The following FLT4 variants were observed in gnomAD, a reference collection of about 807,000 sequenced individuals.
FLT4 encodes fms related receptor tyrosine kinase 4.
FLT4 carries 30 observed loss-of-function variants against 163.2 expected under a neutral mutation model. The observed-to-expected ratio is 0.18, with a 90% confidence interval of 0.14 to 0.25. The LOEUF is 0.25. Among genes scored for constraint, FLT4 ranks in the 10% least tolerant of loss-of-function variants. FLT4 has a pLI of 1.00. For missense variants in FLT4, 1,510 were observed against 1,863.8 expected (o/e 0.81, Z 3.50); for synonymous variants, 884 against 789.5 (o/e 1.12, Z -2.01).
chr5:180,614,179 C>A lies in FLT4; in HGVS notation c.3220G>T (p.Ala1074Ser), dbSNP rs2127797529. 7.3e-7 allele frequency: 1 copy of A among 1,367,798 alleles called. No homozygotes were observed. The highest frequency in any genetic ancestry group is 2.0e-4 in the Middle Eastern group (1 of 5,004). 84.7% of individuals were successfully genotyped at this position (1,367,798 alleles called of 1,614,324 possible). The change falls in exon 24 of 30, where the codon GCC becomes TCC. Residue 1074 changes from alanine to serine, a missense_variant and splice_region_variant. By Grantham distance (99) the Ala-to-Ser change is moderately conservative. Transcript: ENST00000261937. ...GCCATCCACTTCAGGGGCAGCCGGG[C>A]CTGGGGAGACAGAGGGAAGCTTGTC... ...KDPDYVRKGS[A>S]RLPLKWMAPE...
At position 180,601,612 on chromosome 5, in the gene FLT4, C is replaced by T. The variant is rs1239472774; in HGVS notation, c.*1580G>A. 5 of 232,992 alleles carry T rather than the reference C, an allele frequency of 2.1e-5. No homozygotes were observed. The highest frequency in any genetic ancestry group is 1.2e-4 in the East Asian group (2 of 16,592). 14.4% of individuals were successfully genotyped at this position (232,992 alleles called of 1,614,324 possible). The stretch of plus-strand genomic sequence containing the variant: ...TAGAAGGGCATAGTAGTTTTTTTCC[C>T]GGTACATGCGTGGGTGGGTAGTGAG... On this transcript the variant is annotated 3_prime_UTR_variant, in exon 30 of 30. Transcript: ENST00000261937.
At chr5:180,606,611 T>C (rs1581603001) in intron 29 of FLT4, among the ~76,000 whole-genome samples, 2 of 152,304 alleles carry the variant, frequency 1.3e-5, no homozygotes, top group South Asian at 4.1e-4. Context: ...TGTGTAGAGG[T>C]TTGAATTTAC....
rs1284746144 is a variant in FLT4, at chr5:180,630,528, C to T, written c.400+27G>A. ...GGCCCCAGCTGCCCGGGACCCTGCTCCAGCCTGGCCCGCCTCCAAGTCTCA... is the reference window on the plus strand; with the variant it reads ...GGCCCCAGCTGCCCGGGACCCTGCTTCAGCCTGGCCCGCCTCCAAGTCTCA... On this transcript the variant is annotated intron_variant, in intron 3 of 29. Coordinates refer to ENST00000261937, the MANE Select transcript of FLT4 (RefSeq NM_182925.5). The surrounding 1 kb of genome is among the most constrained non-coding windows in gnomAD (Gnocchi z 6.3). 3 of 1,611,794 alleles carry T rather than the reference C, an allele frequency of 1.9e-6. No homozygotes were observed. In the African/African-American group the frequency reaches 4.0e-5, roughly 22 times the overall value.
At chr5:180,622,597 T>C in intron 12 of FLT4, 134 bp downstream of exon 12, 1 of 695,744 alleles carries the variant, frequency 1.4e-6, no homozygotes, top group South Asian at 1.5e-5. Context: ...CTTAAATCTA[T>C]TTTTCCTGTC....
chr5:180,605,711 T>A (rs895392817), intron 29 of FLT4, among the ~76,000 whole-genome samples: 1 of 152,184 alleles, frequency 6.6e-6, no homozygotes, highest in African/African-American at 2.4e-5. Flanking sequence ...TCCCGTATCA[T>A]CCTGCCACCA....
rs764057384 is a variant in FLT4, at chr5:180,623,922, G to A, written c.1548+13C>T. 57 of 1,613,272 alleles carry A rather than the reference G, an allele frequency of 3.5e-5. No individual in the cohort carries two copies. Among genetic ancestry groups the A allele is most frequent in the South Asian group, 2.7e-4 (25 of 91,076 alleles). ...CTTCTCCCTGGGCACTCAGCAGCGC[G>A]GCTGGCCTGTACCTTATTCTTTCCC... is the stretch of plus-strand genomic sequence containing the variant. On this transcript the variant is annotated intron_variant, in intron 11 of 29. Coordinates refer to ENST00000261937, the MANE Select transcript of FLT4 (RefSeq NM_182925.5). The surrounding 1 kb of genome is among the most constrained non-coding windows in gnomAD (Gnocchi z 5.8).
chr5:180,607,234 T>C (rs1254885099), intron 29 of FLT4, among the ~76,000 whole-genome samples: 1 of 152,216 alleles, frequency 6.6e-6, no homozygotes, highest in African/African-American at 2.4e-5. Context: ...ACTTTCTATC[T>C]GGGATATGTG....
chr5:180,631,435 T>C (rs113818152), intron 2 of FLT4, among the ~76,000 whole-genome samples: 12 of 151,462 alleles, frequency 7.9e-5, no homozygotes, highest in African/African-American at 2.4e-4. Flanking sequence ...ATCGCACCAC[T>C]GCACTCCAGC....
At chr5:180,631,633 T>C (rs750404695) in intron 2 of FLT4, 49 bp downstream of exon 2, 24 of 1,458,588 alleles carry the variant, frequency 1.6e-5, no homozygotes, top group Non-Finnish European at 2.3e-5. Flanking sequence ...CCTCCTGCCT[T>C]GGGCTTGTGC....
chr5:180,621,852 C>G lies in FLT4; in HGVS notation c.1710G>C (p.Glu570Asp), dbSNP rs758989887. ...IESKPSEELLEGQPVLLSCQA... is the reference protein window; with the variant it reads ...IESKPSEELLDGQPVLLSCQA... ...GGCAGCTCAGGAGCACCGGCTGGCC[C>G]TCTAGTAGCTCCTCGGATGGCTTGG... The change falls in exon 13 of 30, where the codon GAG becomes GAC. Residue 570 changes from glutamate to aspartate, a missense_variant. Glu to Asp is a conservative substitution (Grantham distance 45). Transcript: ENST00000261937. 6.2e-7 allele frequency: 1 copy of G among 1,613,432 alleles called. No homozygotes were observed. Among genetic ancestry groups the G allele is most frequent in the Non-Finnish European group, 8.5e-7 (1 of 1,179,970 alleles).
rs1441078687 is a variant in FLT4, at chr5:180,612,626, G to A, written c.3432-15C>T. ...TGATGCGGCGTCTGCAGGATCACGT[G>A]GGCTGCTGGACTGCATGCACCCCAC... On this transcript the variant is annotated splice_polypyrimidine_tract_variant and intron_variant, in intron 25 of 29. Transcript: ENST00000261937. 6.3e-7 allele frequency: 1 copy of A among 1,597,122 alleles called. No homozygotes were observed. The highest frequency in any genetic ancestry group is 1.3e-5 in the African/African-American group (1 of 74,586).
rs2127810485 is a variant in FLT4, at chr5:180,620,152, G to A, written c.2542+21C>T. ...GGGTCGGGCAGGAGGTGTGGGTTGGGCAGGCTGGTGCTGGCCTCACCCAGG... is the reference window on the plus strand; with the variant it reads ...GGGTCGGGCAGGAGGTGTGGGTTGGACAGGCTGGTGCTGGCCTCACCCAGG... On this transcript the variant is annotated intron_variant, in intron 17 of 29. Coordinates refer to ENST00000261937, the MANE Select transcript of FLT4 (RefSeq NM_182925.5). This position sits in a 1 kb window ranked among gnomAD's most constrained non-coding sequence, Gnocchi z 4.4. The A allele has an allele frequency of 6.3e-7, 1 of 1,599,778 alleles. No homozygotes were observed. The highest frequency in any genetic ancestry group is 8.5e-7 in the Non-Finnish European group (1 of 1,176,586).
Position 180,621,096 on chromosome 5 carries a change from C to T in FLT4, c.2167+10G>A, listed in dbSNP as rs370293476. The T allele has an allele frequency of 1.2e-5, 19 of 1,612,670 alleles. No individual in the cohort carries two copies. The South Asian group carries it at 1.2e-4, about 10-fold the overall frequency. The stretch of plus-strand genomic sequence containing the variant: ...CCGGACCTGCCCTTCGCCAGGGCCA[C>T]CCTCCCTACCAGACTTTTCCTCCAG... On this transcript the variant is annotated intron_variant, in intron 14 of 29. Transcript: ENST00000261937.
intron 29 of FLT4, among the ~76,000 whole-genome samples, chr5:180,606,292 C>T (rs10058772): frequency 0.22 from 32,678 of 151,890 alleles, 3,933 homozygotes; most frequent in South Asian, 0.33. Flanking sequence ...GCACTCCCTT[C>T]TGGCTCGCCG....
chr5:180,626,129 G>C lies in FLT4; in HGVS notation c.1240C>G (p.Leu414Val). 4 of 1,612,880 alleles carry C rather than the reference G, an allele frequency of 2.5e-6. No homozygotes were observed. The highest frequency in any genetic ancestry group is 3.4e-6 in the Non-Finnish European group (4 of 1,180,020). ...SAAGLRRNIS[L>V]ELVVNVPPQI... is the part of the protein sequence containing the mutation. ...GACCTACCATTCACCACCAGCTCCAGGCTGATGTTGCGCCTCAGGCCAGCA... is the reference window on the plus strand; with the variant it reads ...GACCTACCATTCACCACCAGCTCCACGCTGATGTTGCGCCTCAGGCCAGCA... Residue 414 changes from leucine (L) to valine (V), a missense_variant, in exon 9 of 30, where the codon CTG (leucine) becomes GTG (valine). Transcript: ENST00000261937.
chr5:180,616,538 G>A lies in FLT4; in HGVS notation c.3097-49C>T, dbSNP rs113708130. The A allele has an allele frequency of 1.4e-5, 23 of 1,607,792 alleles. 1 individual carries two copies. The African/African-American group carries it at 1.6e-4, about 11-fold the overall frequency. Reference sequence around the variant, plus strand: ...GGGGCTGTCAGTGCAGGCCCCTGGGGTAATACCCACACCCGAAACTCCAGG... The same window carrying A: ...GGGGCTGTCAGTGCAGGCCCCTGGGATAATACCCACACCCGAAACTCCAGG... On this transcript the variant is annotated intron_variant, in intron 22 of 29. Coordinates refer to ENST00000261937, the MANE Select transcript of FLT4 (RefSeq NM_182925.5).
At position 180,620,605 on chromosome 5, in the gene FLT4, T is replaced by C; in HGVS notation, c.2406+4A>G. ...CTCCATCAGGAGCGGGGAGGGACAC[T>C]CACCCTCCTCATGTTACAGAAGATG... On this transcript the variant is annotated splice_donor_region_variant and intron_variant, in intron 16 of 29. Coordinates refer to ENST00000261937, the MANE Select transcript of FLT4 (RefSeq NM_182925.5). The surrounding 1 kb of genome is among the most constrained non-coding windows in gnomAD (Gnocchi z 4.4). The C allele has an allele frequency of 6.2e-7, 1 of 1,602,956 alleles. No homozygotes were observed. Among genetic ancestry groups the C allele is most frequent in the Non-Finnish European group, 8.5e-7 (1 of 1,170,802 alleles).
intron 8 of FLT4, 87 bp downstream of exon 8, chr5:180,628,795 G>T: frequency 1.1e-6 from 1 of 936,424 alleles, no homozygotes; most frequent in Non-Finnish European, 1.7e-6. Flanking sequence ...CTGACGGGGA[G>T]GACGCTGCCC....
chr5:180,609,297 G>C (rs1411404103), intron 28 of FLT4: 9 of 574,584 alleles, frequency 1.6e-5, no homozygotes, highest in Non-Finnish European at 2.8e-5. Flanking sequence ...TCATACTTGG[G>C]GACCTCCACG....
Sources: gnomAD v4.1 joint callset for allele counts (sites outside exome capture counted in the v4.1 genomes callset) on GRCh38, gnomAD v4.1.1 for gene constraint, Gnocchi (gnomAD v3.1) non-coding constraint, MANE v1.5 for transcripts, NCBI Gene and HGNC (gene_info 2026-07-23, HGNC 2026-07-21) for gene names.